CLCNKA: variants seen among roughly 807,000 people sequenced by gnomAD.
CLCNKA encodes chloride voltage-gated channel Ka, also known as chloride channel protein ClC-Ka.
CLCNKA carries 66 observed loss-of-function variants against 83.3 expected under a neutral mutation model. The ratio of observed to expected loss-of-function variants is 0.79; its 90% CI spans 0.65 to 0.97. CLCNKA has a LOEUF of 0.97. CLCNKA is among the 50% of genes least tolerant of loss of function. The probability of loss-of-function intolerance (pLI) is 0.00; values close to 1 mark genes in which losing one functional copy is unlikely to be tolerated. For synonymous variants in CLCNKA, 357 were observed against 370.4 expected, an observed-to-expected ratio of 0.96 and a Z score of 0.42; for missense variants, 806 against 888.7, an observed-to-expected ratio of 0.91 and a Z score of 1.18.
rs1361783952 is a variant in CLCNKA, at chr1:16,030,663, C to T, written c.1611C>T (p.Gly537=). The change falls in exon 15 of 20, where the codon GGC becomes GGT. Residue 537 remains glycine (G), a synonymous_variant. Coordinates refer to ENST00000331433, the MANE Select transcript of CLCNKA (RefSeq NM_004070.4). ...TGCCATACCTGCCACGGATTCTGGG[C>T]CGCAACATCGGGTGAGTGGTGCCCA... ...KKLPYLPRIL[G]RNIGSHHVRV... is the part of the protein sequence containing the mutation. The T allele has an allele frequency of 1.9e-6, 3 of 1,613,200 alleles. No individual in the cohort carries two copies. Among genetic ancestry groups the T allele is most frequent in the African/African-American group, 2.7e-5 (2 of 74,962 alleles).
At position 16,029,756 on chromosome 1, in the gene CLCNKA, C is replaced by G; in HGVS notation, c.1253C>G (p.Thr418Ser). 1.9e-6 allele frequency: 3 copies of G among 1,614,190 alleles called. No homozygotes were observed. The highest frequency in any genetic ancestry group is 2.5e-6 in the Non-Finnish European group (3 of 1,180,036). ...TTCTGGATGCTGATTCTGGCCACCA[C>G]CATCCCCATGCCTGCCGGGTACTTC... ...MKFWMLILATTIPMPAGYFMP... is the reference protein window; with the variant it reads ...MKFWMLILATSIPMPAGYFMP... The change falls in exon 13 of 20, where the codon ACC becomes AGC. Residue 418 changes from threonine to serine, a missense_variant. Thr to Ser is a moderately conservative substitution (Grantham distance 58). Transcript: ENST00000331433.
At chr1:16,029,898 C>T in intron 13 of CLCNKA, 67 bp from the exon 14 acceptor site, 3 of 1,599,758 alleles carry the variant, frequency 1.9e-6, no homozygotes, top group South Asian at 1.1e-5. Flanking sequence ...TAAGGATGGT[C>T]CTCAGGGATG....
chr1:16,033,515 G>A, intron 19 of CLCNKA, 96 bp from the exon 20 acceptor site: 1 of 1,101,840 alleles, frequency 9.1e-7, no homozygotes, highest in Non-Finnish European at 1.4e-6. Flanking sequence ...CTACTATTCA[G>A]CCTGGAAATG....
At position 16,026,617 on chromosome 1, in the gene CLCNKA, A is replaced by G. The variant is rs575335621; in HGVS notation, c.576+4A>G. 4.3e-6 allele frequency: 7 copies of G among 1,613,958 alleles called. No homozygotes were observed. The East Asian group carries it at 1.1e-4, about 26-fold the overall frequency. On this transcript the variant is annotated splice_donor_region_variant and intron_variant, in intron 6 of 19. Transcript: ENST00000331433. ...CACGACCATCGGGGAGCCTGAGGTT[A>G]GGGACTCGGGGGCTTCCTTGGAGAA...
chr1:16,030,670 A>C lies in CLCNKA; in HGVS notation c.1618A>C (p.Ile540Leu), dbSNP rs2022587956. Residue 540 changes from isoleucine (I) to leucine (L), a missense_variant, in exon 15 of 20, where the codon ATC (isoleucine) becomes CTC (leucine). Ile to Leu is a conservative substitution (Grantham distance 5). Coordinates refer to ENST00000331433, the MANE Select transcript of CLCNKA (RefSeq NM_004070.4). ...CCTGCCACGGATTCTGGGCCGCAAC[A>C]TCGGGTGAGTGGTGCCCACCTCAGG... Reference protein sequence around the residue: ...PYLPRILGRNIGSHHVRVEHF... With the variant: ...PYLPRILGRNLGSHHVRVEHF... The C allele has an allele frequency of 6.2e-7, 1 of 1,613,144 alleles. No homozygotes were observed. The highest frequency in any genetic ancestry group is 1.3e-5 in the African/African-American group (1 of 74,956).
intron 18 of CLCNKA, 90 bp from the exon 19 acceptor site, chr1:16,033,079 CT>C (rs2124061904): frequency 1.5e-6 from 2 of 1,364,962 alleles, no homozygotes; most frequent in African/African-American, 1.4e-5. Flanking sequence ...GGCCCCGCCC[CT>C]CTTCCTGGCT....
At chr1:16,031,672 C>T (rs1158513297) in intron 15 of CLCNKA, 38 bp from the exon 16 acceptor site, 1 of 1,613,300 alleles carries the variant, frequency 6.2e-7, no homozygotes, top group Non-Finnish European at 8.5e-7. Context: ...TCTGACATCC[C>T]CGACTCCGGG....
At chr1:16,028,500 T>A in intron 10 of CLCNKA, 1 of 645,518 alleles carries the variant, frequency 1.5e-6, no homozygotes, top group African/African-American at 1.8e-5. Context: ...CCTCCTAGCC[T>A]GCCTCTGCCC....
At position 16,031,845 on chromosome 1, in the gene CLCNKA, T is replaced by G; in HGVS notation, c.1756+2T>G. The G allele has an allele frequency of 6.2e-7, 1 of 1,613,732 alleles. No individual in the cohort carries two copies. Among genetic ancestry groups the G allele is most frequent in the Non-Finnish European group, 8.5e-7 (1 of 1,180,012 alleles). ...AGTATCCCCTGGTGGAGAGCACAGGTGCCCAGCTGGAAGGGAGGAGGAAGT... is the reference window on the plus strand; with the variant it reads ...AGTATCCCCTGGTGGAGAGCACAGGGGCCCAGCTGGAAGGGAGGAGGAAGT... On this transcript the variant is annotated splice_donor_variant, in intron 16 of 19. Transcript: ENST00000331433. LOFTEE classifies it high-confidence loss of function.
Position 16,033,220 on chromosome 1 carries a change from G to A in CLCNKA, c.1980G>A (p.Ser660=), listed in dbSNP as rs6695110. 1,491 of 1,614,104 alleles carry A rather than the reference G, an allele frequency of 9.2e-4. 13 individuals are homozygous for A. In the African/African-American group the frequency reaches 0.015, roughly 17 times the overall value. ...LLNLQSLFVT[S]RGRAVGCVSW... ...ACCTTCAGTCCCTCTTCGTGACATC[G>A]CGGGGCAGAGCTGTGGGCTGCGTGT... The change falls in exon 19 of 20, where the codon TCG becomes TCA. Residue 660 remains serine, a synonymous_variant. Coordinates refer to ENST00000331433, the MANE Select transcript of CLCNKA (RefSeq NM_004070.4).
intron 14 of CLCNKA, 109 bp from the exon 15 acceptor site, chr1:16,030,352 T>C (rs921517581): frequency 3.6e-6 from 5 of 1,394,048 alleles, no homozygotes; most frequent in Non-Finnish European, 4.0e-6. Context: ...CTGTGGCCTC[T>C]TACAATTCCC....
At chr1:16,030,328 C>G in intron 14 of CLCNKA, 133 bp from the exon 15 acceptor site, 1 of 1,167,546 alleles carries the variant, frequency 8.6e-7, no homozygotes, top group South Asian at 1.4e-5. Flanking sequence ...GGGGCACTTC[C>G]CACAGTGCCC....
At chr1:16,029,559 G>T (rs1570307654) in intron 12 of CLCNKA, among the ~76,000 whole-genome samples, 172 bp from the exon 13 acceptor site, 1 of 152,330 alleles carries the variant, frequency 6.6e-6, no homozygotes, top group African/African-American at 2.4e-5. Context: ...CAGGCATACA[G>T]TGGGCATTTC....
chr1:16,026,522 C>A lies in CLCNKA; in HGVS notation c.499-14C>A. 6.8e-6 allele frequency: 11 copies of A among 1,613,846 alleles called. No homozygotes were observed. Among genetic ancestry groups the A allele is most frequent in the East Asian group, 2.2e-5 (1 of 44,852 alleles). ...CTCTGCTGCCCTCACCTGGGCCCAC[C>A]CTTCCCTCTGCAGGGCCCTTTCGTG... On this transcript the variant is annotated splice_polypyrimidine_tract_variant and intron_variant, in intron 5 of 19. Transcript: ENST00000331433.
intron 1 of CLCNKA, 90 bp from the exon 2 acceptor site, chr1:16,022,523 T>G: frequency 8.1e-6 from 7 of 862,530 alleles, no homozygotes; most frequent in Non-Finnish European, 1.3e-5. Flanking sequence ...TTCCTCTTCA[T>G]TTGGGTGGGG....
rs749580803 is a variant in CLCNKA at position 16,029,975 on chromosome 1, C to T, written c.1308C>T (p.Ile436=). 3.0e-5 allele frequency: 48 copies of T among 1,611,232 alleles called. No homozygotes were observed. The highest frequency in any genetic ancestry group is 9.9e-5 in the South Asian group (9 of 91,064). The change falls in exon 14 of 20, where the codon ATC becomes ATT. Residue 436 remains isoleucine, a synonymous_variant. Coordinates refer to ENST00000331433, the MANE Select transcript of CLCNKA (RefSeq NM_004070.4). The part of the protein sequence containing the change: ...FMPIFILGAA[I]GRLLGEALAV... ...TAAGTCTGTGGCCAGGAGCTGCCAT[C>T]GGGCGCCTCTTGGGAGAGGCTCTTG...
Position 16,022,745 on chromosome 1 carries a change from C to T in CLCNKA, c.100+26C>T, listed in dbSNP as rs555901751. 168 of 1,450,138 alleles carry T rather than the reference C, an allele frequency of 1.2e-4. 2 individuals are homozygous for T. The South Asian group carries it at 1.5e-3, about 13-fold the overall frequency. The allele number at this position is 1,450,138 out of a possible 1,614,324, so 89.8% of individuals were successfully genotyped here. A position where few individuals can be genotyped will look rare whatever the true frequency, so the allele number is the denominator to read the frequency against. On this transcript the variant is annotated intron_variant, in intron 2 of 19. Transcript: ENST00000331433. ...GTGAGAGCCAGGTCCTCTTCCCTAC[C>T]CGCGGGGGACCACTCAGGACATCAT...
At chr1:16,027,226 G>A (rs1022023967) in intron 7 of CLCNKA, 84 bp from the exon 8 acceptor site, 1 of 1,583,130 alleles carries the variant, frequency 6.3e-7, no homozygotes. Flanking sequence ...AGATGGCTCA[G>A]GGAGGAGGCG....
At position 16,030,652 on chromosome 1, in the gene CLCNKA, C is replaced by T. The variant is rs12140223; in HGVS notation, c.1600C>T (p.Arg534Trp). 148,370 of 1,613,172 alleles carry T rather than the reference C, an allele frequency of 0.092. 7,539 individuals are homozygous for T. Among genetic ancestry groups the T allele is most frequent in the Non-Finnish European group, 0.1 (119,757 of 1,180,012 alleles). ...IIVKKLPYLP[R>W]ILGRNIGSHH... ...TGTCAAGAAGCTGCCATACCTGCCACGGATTCTGGGCCGCAACATCGGGTG... is the reference window on the plus strand; with the variant it reads ...TGTCAAGAAGCTGCCATACCTGCCATGGATTCTGGGCCGCAACATCGGGTG... The change falls in exon 15 of 20, where the codon CGG (arginine) becomes TGG (tryptophan). Residue 534 changes from arginine (R) to tryptophan (W), a missense_variant. Physicochemically the swap from Arg to Trp is moderately radical, Grantham distance 101. Coordinates refer to ENST00000331433, the MANE Select transcript of CLCNKA (RefSeq NM_004070.4).
Sources: allele counts gnomAD v4.1 joint callset (sites outside exome capture counted in the v4.1 genomes callset), GRCh38; gene constraint gnomAD v4.1.1; transcripts MANE v1.5; gene names NCBI Gene and HGNC (gene_info 2026-07-23, HGNC 2026-07-21).